Variants in TMEM117 observed in about 807,000 individuals in gnomAD.
TMEM117 encodes the protein transmembrane protein 117.
In TMEM117, 27 loss-of-function variants were observed where a neutral mutation model predicts 52.4. That is an observed-to-expected ratio of 0.51 (90% CI 0.38 to 0.71). The LOEUF (loss-of-function observed/expected upper bound fraction) is 0.71. Among genes scored for constraint, TMEM117 ranks in the 30% least tolerant of loss-of-function variants. TMEM117 has a pLI of 0.00. For missense variants in TMEM117, 556 were observed against 630.5 expected (o/e 0.88, Z 1.26); for synonymous variants, 215 against 206.3 (o/e 1.04, Z -0.36).
At chr12:44,361,428 T>C (rs1258469398) in intron 6 of TMEM117, among the ~76,000 whole-genome samples, 1 of 152,190 alleles carries the variant, frequency 6.6e-6, no homozygotes, top group Non-Finnish European at 1.5e-5. Context: ...AATGCTTCCA[T>C]ATTATCCTGT....
chr12:44,094,048 G>C (rs998987742), intron 3 of TMEM117, among the ~76,000 whole-genome samples: 1 of 143,102 alleles, frequency 7.0e-6, no homozygotes, highest in African/African-American at 2.9e-5. Flanking sequence ...ATCTACTTTA[G>C]CTGTGTCCCT....
At chr12:43,863,300 T>G (rs966654456) in intron 2 of TMEM117, among the ~76,000 whole-genome samples, 11 of 151,826 alleles carry the variant, frequency 7.2e-5, no homozygotes, top group African/African-American at 2.7e-4. Context: ...TCAAGGAAGT[T>G]AATGGAGCCT....
At chr12:43,939,438 C>CT (rs1857478626) in intron 2 of TMEM117, among the ~76,000 whole-genome samples, 2 of 152,236 alleles carry the variant, frequency 1.3e-5, no homozygotes, top group Admixed American at 1.3e-4. Flanking sequence ...AAATCTTACT[C>CT]TGAGTTTTTG....
At chr12:44,367,415 T>G (rs117842399) in intron 6 of TMEM117, among the ~76,000 whole-genome samples, 4,240 of 152,252 alleles carry the variant, frequency 0.028, 96 homozygotes, top group African/African-American at 0.055. Flanking sequence ...ATGCCTTCCC[T>G]TGTGAAACAC....
chr12:43,922,063 G>T (rs1348336086), intron 2 of TMEM117, among the ~76,000 whole-genome samples: 1 of 152,056 alleles, frequency 6.6e-6, no homozygotes, highest in Non-Finnish European at 1.5e-5. Context: ...GTGCCTTCTT[G>T]TCAGTAGAAC....
At chr12:44,391,349 A>G (rs138002902), downstream of TMEM117, among the ~76,000 whole-genome samples, 1,239 of 152,280 alleles carry the variant, frequency 8.1e-3, 12 homozygotes, top group African/African-American at 0.029. Flanking sequence ...TCCCCATGGT[A>G]GCTACTTATG....
chr12:44,288,044 G>T (rs1950658484), intron 5 of TMEM117, among the ~76,000 whole-genome samples: 2 of 152,084 alleles, frequency 1.3e-5, no homozygotes, highest in Non-Finnish European at 2.9e-5. Context: ...CTTTTTATAT[G>T]ACCTAACTAA....
At chr12:44,280,289 A>G (rs1179475850) in intron 5 of TMEM117, among the ~76,000 whole-genome samples, 1 of 151,948 alleles carries the variant, frequency 6.6e-6, no homozygotes, top group Non-Finnish European at 1.5e-5. Context: ...TTTCATTTCT[A>G]TTTCCTTTCC....
intron 3 of TMEM117, among the ~76,000 whole-genome samples, chr12:44,008,106 A>G (rs778442511): frequency 5.3e-5 from 8 of 152,122 alleles, no homozygotes; most frequent in Non-Finnish European, 8.8e-5. Context: ...ACCATTCACC[A>G]CTTATCTGTG....
chr12:44,170,070 T>A (rs1471093071), intron 4 of TMEM117, among the ~76,000 whole-genome samples: 1 of 151,782 alleles, frequency 6.6e-6, no homozygotes, highest in Non-Finnish European at 1.5e-5. Flanking sequence ...ATAGAATGGA[T>A]TAAGAAAATG....
rs1239414253 is a variant in TMEM117 at position 43,864,013 on chromosome 12, G to A, written c.277+19085G>A. Among the ~76,000 whole-genome samples, 3 of 152,226 alleles carry A rather than the reference G, an allele frequency of 2.0e-5. No homozygotes were observed. The East Asian group carries it at 5.8e-4, about 29-fold the overall frequency. On this transcript the variant is annotated intron_variant, in intron 2 of 7. Coordinates refer to ENST00000266534, the MANE Select transcript of TMEM117 (RefSeq NM_032256.3). ...CGGAGCTGCCGGCCAGCCAGCCCTG[G>A]ACAGTGAGGGGCTTAGCACCCGGGC...
intron 2 of TMEM117, among the ~76,000 whole-genome samples, chr12:43,943,490 T>C (rs1294537707): frequency 6.6e-6 from 1 of 152,214 alleles, no homozygotes; most frequent in Non-Finnish European, 1.5e-5. Flanking sequence ...TAATATATGT[T>C]TCTTCCTTAA....
At chr12:44,157,317 C>A (rs1413583548) in intron 4 of TMEM117, among the ~76,000 whole-genome samples, 1 of 152,044 alleles carries the variant, frequency 6.6e-6, no homozygotes, top group African/African-American at 2.4e-5. Flanking sequence ...GAGGATATGG[C>A]TGTGAACTGC....
chr12:44,255,019 T>C (rs1205891629), intron 5 of TMEM117, among the ~76,000 whole-genome samples: 1 of 152,190 alleles, frequency 6.6e-6, no homozygotes, highest in Non-Finnish European at 1.5e-5. Context: ...TAGTATTCCA[T>C]GGTGTATATA....
chr12:43,971,387 G>T (rs531507958), intron 3 of TMEM117, among the ~76,000 whole-genome samples: 1 of 152,096 alleles, frequency 6.6e-6, no homozygotes, highest in Non-Finnish European at 1.5e-5. Context: ...TCTAAGTAAC[G>T]GCCCCAGCTT....
chr12:44,202,898 C>T (rs889584953), intron 4 of TMEM117, among the ~76,000 whole-genome samples: 48 of 151,978 alleles, frequency 3.2e-4, no homozygotes, highest in African/African-American at 1.1e-3. Flanking sequence ...AAGCAATTCT[C>T]CTGCCTCAGC....
At chr12:44,163,193 C>T (rs1030772942) in intron 4 of TMEM117, among the ~76,000 whole-genome samples, 1 of 152,094 alleles carries the variant, frequency 6.6e-6, no homozygotes, top group Admixed American at 6.6e-5. Context: ...TTTCTAGGCA[C>T]GAGCCACATT....
chr12:43,812,441 C>T, the TMEM117 span, among the ~76,000 whole-genome samples: 1 of 152,208 alleles, frequency 6.6e-6, no homozygotes, highest in Non-Finnish European at 1.5e-5. Context: ...TTTCTCTTTA[C>T]TCACTGCAAT....
chr12:44,093,892 C>G (rs1324962181), intron 3 of TMEM117, among the ~76,000 whole-genome samples: 12 of 151,902 alleles, frequency 7.9e-5, no homozygotes, highest in Admixed American at 7.9e-4. Context: ...GTTTGCATAT[C>G]ATTGTGCATG....
Sources: allele counts gnomAD v4.1 joint callset (sites outside exome capture counted in the v4.1 genomes callset), GRCh38; gene constraint gnomAD v4.1.1; transcripts MANE v1.5; gene names NCBI Gene and HGNC (gene_info 2026-07-23, HGNC 2026-07-21).